Variants in TRABD observed in about 807,000 individuals in gnomAD.
TRABD encodes the protein traB domain-containing protein.
A neutral mutation model predicts 39.6 loss-of-function variants in TRABD; 23 were observed. The observed-to-expected ratio is 0.58, with a 90% CI of 0.42 to 0.82. The LOEUF is 0.82. Ranked by LOEUF, TRABD falls within the 40% of genes least tolerant of loss-of-function variation. TRABD has a pLI of 0.00. For synonymous variants in TRABD, 243 were observed against 232.1 expected (o/e 1.05, Z -0.43); for missense variants, 487 against 544.9 (o/e 0.89, Z 1.06).
chr22:50,198,651 C>G lies in TRABD; in HGVS notation c.*132C>G. ...GGGGTCTGGGCCCGGCCTCGCCTGCCCTCCTGGGCCAGTCACCCCTCCCCC... is the reference window on the plus strand; with the variant it reads ...GGGGTCTGGGCCCGGCCTCGCCTGCGCTCCTGGGCCAGTCACCCCTCCCCC... On this transcript the variant is annotated 3_prime_UTR_variant, in exon 10 of 10. Transcript: ENST00000380909. The surrounding 1 kb of genome is among the most constrained non-coding windows in gnomAD (Gnocchi z 7.9). 1 of 894,356 alleles carries G rather than the reference C, an allele frequency of 1.1e-6. No homozygotes were observed. The highest frequency in any genetic ancestry group is 1.6e-6 in the Non-Finnish European group (1 of 623,160). 55.4% of individuals were successfully genotyped at this position (894,356 alleles called of 1,614,324 possible).
chr22:50,194,849 G>C lies in TRABD; in HGVS notation c.280-51G>C, dbSNP rs374544970. On this transcript the variant is annotated intron_variant, in intron 4 of 9. Transcript: ENST00000380909. ...CCCTGGTGCTGGCGTCAGCTGTGCTGAGGGGCAGGGAGCGGCTGTGTTCTC... is the reference window on the plus strand; with the variant it reads ...CCCTGGTGCTGGCGTCAGCTGTGCTCAGGGGCAGGGAGCGGCTGTGTTCTC... 3.5e-5 allele frequency: 55 copies of C among 1,589,212 alleles called. No homozygotes were observed. The African/African-American group carries it at 6.6e-4, about 19-fold the overall frequency.
chr22:50,186,598 G>A (rs1447005398), intron 1 of TRABD, among the ~76,000 whole-genome samples: 1 of 152,144 alleles, frequency 6.6e-6, no homozygotes, highest in Admixed American at 6.5e-5. Flanking sequence ...CGAGGTGAGA[G>A]TGGAGGAAGG....
chr22:50,195,712 C>T (rs1457778333), intron 5 of TRABD, among the ~76,000 whole-genome samples: 2 of 152,136 alleles, frequency 1.3e-5, no homozygotes, highest in African/African-American at 2.4e-5. Context: ...AATCCACCCA[C>T]CTCAGCCTCC....
At chr22:50,189,430 C>G (rs576917250) in intron 1 of TRABD, among the ~76,000 whole-genome samples, 1 of 152,212 alleles carries the variant, frequency 6.6e-6, no homozygotes, top group Non-Finnish European at 1.5e-5. Context: ...GACGTCCGTG[C>G]GGGGCAGGGA....
rs2064206883 is a variant in TRABD at position 50,198,426 on chromosome 22, G to A, written c.1038G>A (p.Leu346=). 2 of 1,596,580 alleles carry A rather than the reference G, an allele frequency of 1.3e-6. No homozygotes were observed. The highest frequency in any genetic ancestry group is 2.2e-5 in the East Asian group (1 of 44,596). Residue 346 remains leucine (L), a synonymous_variant, in exon 10 of 10, where the codon CTG becomes CTA. Transcript: ENST00000380909. The surrounding 1 kb of genome is among the most constrained non-coding windows in gnomAD (Gnocchi z 7.9). ...TCTTCGGCCTGCTGGGCTACAGCCTGTACTGGATGGGCCGCCGCACCGCGA... is the reference window on the plus strand; with the variant it reads ...TCTTCGGCCTGCTGGGCTACAGCCTATACTGGATGGGCCGCCGCACCGCGA... ...AAFFGLLGYS[L]YWMGRRTASL...
chr22:50,195,752 C>T (rs988635556), intron 5 of TRABD, among the ~76,000 whole-genome samples: 17 of 152,212 alleles, frequency 1.1e-4, no homozygotes, highest in African/African-American at 3.6e-4. Flanking sequence ...GCATGAGCCA[C>T]CGCGCCCGGC....
chr22:50,195,214 C>T (rs1038410474), intron 5 of TRABD, among the ~76,000 whole-genome samples, 174 bp downstream of exon 5: 2 of 152,180 alleles, frequency 1.3e-5, no homozygotes, highest in African/African-American at 2.4e-5. Context: ...GAAAGAGGCT[C>T]CATTACCCGG....
chr22:50,194,247 ACCCAGGAGGGTTCTAGAG>A, intron 3 of TRABD, 75 bp from the exon 4 acceptor site: 3 of 1,498,976 alleles, frequency 2.0e-6, no homozygotes, highest in Non-Finnish European at 2.7e-6. Context: ...AGTTCTCAGA[ACCCAGGAGGGTTCTAGAG>A]CCCAGGCTGC....
rs531564891 is a variant in TRABD at position 50,190,325 on chromosome 22, A to G, written c.-34-2702A>G. ...GGAAAGCTTCTCTGCCCTCCCTGAC[A>G]GGAGACCTGTGCACGCCCACCCCAT... On this transcript the variant is annotated intron_variant, in intron 1 of 9. Transcript: ENST00000380909. Among the ~76,000 whole-genome samples, 38 of 152,276 alleles carry G rather than the reference A, an allele frequency of 2.5e-4. No individual in the cohort carries two copies. The Middle Eastern group carries it at 0.01, about 41-fold the overall frequency.
rs912265886 is a variant in TRABD at position 50,198,818 on chromosome 22, G to A, written c.*299G>A. 2.4e-5 allele frequency: 13 copies of A among 543,810 alleles called. No individual in the cohort carries two copies. The highest frequency in any genetic ancestry group is 2.1e-4 in the Admixed American group (6 of 28,676). 33.7% of individuals were successfully genotyped at this position (543,810 alleles called of 1,614,324 possible). ...GGGGCAGGGGCTTATAGGAGGGGCC[G>A]AGGCGTGCGCTGCCCTCTCAGCCCT... On this transcript the variant is annotated 3_prime_UTR_variant, in exon 10 of 10. Transcript: ENST00000380909. The surrounding 1 kb of genome is among the most constrained non-coding windows in gnomAD (Gnocchi z 7.9).
intron 1 of TRABD, among the ~76,000 whole-genome samples, chr22:50,189,023 A>C (rs560056349): frequency 3.2e-4 from 49 of 152,324 alleles, no homozygotes; most frequent in African/African-American, 1.1e-3. Flanking sequence ...TTTACAGATG[A>C]GGGACAGTGC....
chr22:50,197,545 G>C lies in TRABD; in HGVS notation c.628G>C (p.Val210Leu). The change falls in exon 7 of 10, where the codon GTC (valine) becomes CTC (leucine). Residue 210 changes from valine (V) to leucine (L), a missense_variant. By Grantham distance (32) the Val-to-Leu change is conservative (BLOSUM62 1). This residue lies in a region of TRABD where 358 missense variants were observed against 414.7 expected (regional missense o/e 0.86). Transcript: ENST00000380909. ...CGCAGCGCTCTCCTTCTGGCAGAAG[G>C]TCAGGCTGGCTTGGGGCCTGTGCTT... ...AIAALSFWQK[V>L]RLAWGLCFLS... 6.2e-7 allele frequency: 1 copy of C among 1,613,648 alleles called. No homozygotes were observed. The highest frequency in any genetic ancestry group is 8.5e-7 in the Non-Finnish European group (1 of 1,180,034).
intron 1 of TRABD, among the ~76,000 whole-genome samples, chr22:50,188,559 G>A (rs1417071494): frequency 6.6e-6 from 1 of 152,222 alleles, no homozygotes; most frequent in African/African-American, 2.4e-5. Context: ...ACCCGGGGGA[G>A]CAAGAGCTGC....
rs117431860 is a variant in TRABD at position 50,196,260 on chromosome 22, G to T, written c.421-981G>T. On this transcript the variant is annotated intron_variant, in intron 5 of 9. Coordinates refer to ENST00000380909, the MANE Select transcript of TRABD (RefSeq NM_001320485.2). ...GTGGAGTGGGTCCCAGTGGACCAAG[G>T]CCTCGTGAATGTCTCATCCTAAGTT... 1.4e-3 allele frequency among the ~76,000 whole-genome samples: 217 copies of T among 152,342 alleles called. 1 individual carries two copies. Among genetic ancestry groups the T allele is most frequent in the Non-Finnish European group, 2.1e-3 (141 of 68,020 alleles).
chr22:50,194,037 C>T (rs2064007173), intron 3 of TRABD, among the ~76,000 whole-genome samples: 1 of 15,628 alleles, frequency 6.4e-5, no homozygotes, highest in African/African-American at 1.2e-3. Flanking sequence ...GCACCTGCCC[C>T]CACTGTCCCC....
chr22:50,195,302 G>A (rs1353029692), intron 5 of TRABD, among the ~76,000 whole-genome samples: 1 of 151,812 alleles, frequency 6.6e-6, no homozygotes, highest in Non-Finnish European at 1.5e-5. Context: ...GGGTTGCTGA[G>A]CAGTTGCTGG....
chr22:50,193,704 G>A, intron 3 of TRABD, 50 bp downstream of exon 3: 10 of 1,581,282 alleles, frequency 6.3e-6, no homozygotes, highest in Non-Finnish European at 8.7e-6. Context: ...GGGCTGTTGA[G>A]TCAGGGAGGA....
chr22:50,187,664 C>T (rs1361880577), intron 1 of TRABD, among the ~76,000 whole-genome samples: 1 of 152,206 alleles, frequency 6.6e-6, no homozygotes. Flanking sequence ...AACAAAGCAT[C>T]ACAGACCAGG....
At position 50,197,444 on chromosome 22, in the gene TRABD, T is replaced by A. The variant is rs766383505; in HGVS notation, c.532-5T>A. On this transcript the variant is annotated splice_region_variant and splice_polypyrimidine_tract_variant and intron_variant, in intron 6 of 9. Coordinates refer to ENST00000380909, the MANE Select transcript of TRABD (RefSeq NM_001320485.2). Reference sequence around the variant, plus strand: ...CTGCTCCCCAACACCCAGCCTCTGCTCCAGGCCAGCAAGGTGCCTTTCTGC... The same window carrying A: ...CTGCTCCCCAACACCCAGCCTCTGCACCAGGCCAGCAAGGTGCCTTTCTGC... 1.9e-6 allele frequency: 3 copies of A among 1,613,684 alleles called. No homozygotes were observed. In the South Asian group the frequency reaches 3.3e-5, roughly 18 times the overall value.
Sources: allele counts gnomAD v4.1 joint callset (sites outside exome capture counted in the v4.1 genomes callset), GRCh38; gene constraint gnomAD v4.1.1; regional missense constraint gnomAD v4.1.1; non-coding constraint Gnocchi (gnomAD v3.1); transcripts MANE v1.5; gene names NCBI Gene and HGNC (gene_info 2026-07-23, HGNC 2026-07-21).